FMO5: variants seen among roughly 807,000 people sequenced by gnomAD.
The protein encoded by FMO5 is flavin-containing monooxygenase 5.
A neutral mutation model predicts 43.6 loss-of-function variants in FMO5; 51 were observed. The observed-to-expected ratio is 1.17, with a 90% CI of 0.93 to 1.48. FMO5 has a LOEUF of 1.48. Ranked by LOEUF, FMO5 falls within the 40% of genes most tolerant of loss-of-function variation. The pLI, the probability that FMO5 is intolerant of heterozygous loss-of-function variation, is 0.00. For missense variants in FMO5, 644 were observed against 643.0 expected, an observed-to-expected ratio of 1.00 and a Z score of -0.02; for synonymous variants, 187 against 216.5, an observed-to-expected ratio of 0.86 and a Z score of 1.20.
intron 7 of FMO5, among the ~76,000 whole-genome samples, chr1:147,193,129 C>T (rs1657227783): frequency 6.6e-6 from 1 of 152,078 alleles, no homozygotes; most frequent in African/African-American, 2.4e-5. Context: ...GCTGTGAATC[C>T]ATCTGGTCCT....
chr1:147,207,001 T>C (rs1362419814), intron 6 of FMO5, among the ~76,000 whole-genome samples: 1 of 151,846 alleles, frequency 6.6e-6, no homozygotes, highest in Non-Finnish European at 1.5e-5. Context: ...TGTGATTGAT[T>C]ACCTGACAGG....
rs1472474591 is a variant in FMO5, at chr1:147,204,907, G to A, written c.831-3403C>T. 15 of 1,576,254 alleles carry A rather than the reference G, an allele frequency of 9.5e-6. No individual in the cohort carries two copies. In the South Asian group the frequency reaches 1.1e-4, roughly 12 times the overall value. On this transcript the variant is annotated intron_variant, in intron 6 of 8. Coordinates refer to ENST00000254090, the MANE Select transcript of FMO5 (RefSeq NM_001461.4). Reference sequence around the variant, plus strand: ...CTCCTTGAGCATCTGGGCGAAGCCCGGAGCCTTGGGAACTTGAAGCGCCAT... The same window carrying A: ...CTCCTTGAGCATCTGGGCGAAGCCCAGAGCCTTGGGAACTTGAAGCGCCAT...
chr1:147,195,553 T>C (rs1254838230), intron 7 of FMO5, among the ~76,000 whole-genome samples: 1 of 152,152 alleles, frequency 6.6e-6, no homozygotes, highest in East Asian at 1.9e-4. Flanking sequence ...ATACCTAATA[T>C]TAACTGATAA....
At chr1:147,193,923 C>T (rs1459784078) in intron 7 of FMO5, among the ~76,000 whole-genome samples, 1 of 152,044 alleles carries the variant, frequency 6.6e-6, no homozygotes, top group African/African-American at 2.4e-5. Context: ...TGCTTTACTT[C>T]CAACTATGTG....
At chr1:147,225,175 G>A (rs1268448639) in intron 1 of FMO5, 109 bp from the exon 2 acceptor site, 55 of 1,490,806 alleles carry the variant, frequency 3.7e-5, no homozygotes, top group Non-Finnish European at 4.4e-5. Context: ...GTCTTGAGGA[G>A]GACAGATTCG....
chr1:147,221,031 C>T (rs1348125394), intron 2 of FMO5, among the ~76,000 whole-genome samples: 1 of 151,152 alleles, frequency 6.6e-6, no homozygotes, highest in Non-Finnish European at 1.5e-5. Flanking sequence ...AATATTCCTC[C>T]CCAAAAGTCA....
chr1:147,201,153 T>G lies in FMO5; in HGVS notation c.1182A>C (p.Lys394Asn). ...LQGRWATQVF[K>N]GLKTLPSQSE... ...TAGTCTATTTGCATGGTCACTTACC[T>G]TTAAATACCTGAGTGGCCCAGCGTC... Residue 394 changes from lysine (K) to asparagine (N), a missense_variant and splice_region_variant, in exon 7 of 9, where the codon AAA (lysine) becomes AAC (asparagine). Lys to Asn is a moderately conservative substitution (Grantham distance 94, BLOSUM62 0). Transcript: ENST00000254090. The G allele has an allele frequency of 1.2e-6, 2 of 1,607,080 alleles. No individual in the cohort carries two copies. Among genetic ancestry groups the G allele is most frequent in the Non-Finnish European group, 1.7e-6 (2 of 1,175,926 alleles).
chr1:147,218,153 A>G (rs587698115), intron 2 of FMO5, among the ~76,000 whole-genome samples: 12 of 152,352 alleles, frequency 7.9e-5, no homozygotes, highest in Non-Finnish European at 1.6e-4. Context: ...ATATTTTTGT[A>G]TAACTTAAAT....
In FMO5 at chr1:147,224,980, G is replaced by T. The variant is rs781855435; in HGVS notation, c.50C>A (p.Ser17Tyr). ...AVIGGGVSGL[S>Y]SIKCCVEEGL... ...TTCTTCTACGCAGCACTTGATGGAA[G>T]AGAGCCCGCTCACTCCTCCCCCAAT... The change falls in exon 2 of 9, where the codon TCT becomes TAT. Residue 17 changes from serine to tyrosine, a missense_variant. Coordinates refer to ENST00000254090, the MANE Select transcript of FMO5 (RefSeq NM_001461.4). The T allele has an allele frequency of 1.2e-6, 2 of 1,613,892 alleles. No homozygotes were observed. The highest frequency in any genetic ancestry group is 2.7e-5 in the African/African-American group (2 of 74,850).
intron 2 of FMO5, among the ~76,000 whole-genome samples, chr1:147,221,887 A>G (rs1478234733): frequency 1.3e-5 from 2 of 152,356 alleles, no homozygotes; most frequent in East Asian, 3.9e-4. Context: ...CACTGTGCCA[A>G]TCCACTGCTT....
intron 8 of FMO5, among the ~76,000 whole-genome samples, chr1:147,189,196 C>A (rs1367419573): frequency 6.6e-6 from 1 of 151,758 alleles, no homozygotes; most frequent in Non-Finnish European, 1.5e-5. Flanking sequence ...ATCGCTTGAA[C>A]CCAGGAGGCA....
intron 2 of FMO5, among the ~76,000 whole-genome samples, chr1:147,216,284 A>G (rs1408140872): frequency 2.0e-5 from 3 of 152,232 alleles, no homozygotes; most frequent in African/African-American, 7.2e-5. Context: ...AGCTTGAGGA[A>G]GTCCAGCCTC....
chr1:147,198,800 G>A (rs148582829), intron 7 of FMO5, among the ~76,000 whole-genome samples: 5,434 of 139,900 alleles, frequency 0.039, 138 homozygotes, highest in South Asian at 0.099. Flanking sequence ...GCAGTGGGCC[G>A]AGATAGCGCC....
intron 4 of FMO5, 110 bp from the exon 5 acceptor site, chr1:147,212,645 T>C: frequency 3.9e-6 from 4 of 1,027,340 alleles, no homozygotes; most frequent in Non-Finnish European, 5.7e-6. Flanking sequence ...ATTCTCCAAG[T>C]GTTCTCTTTA....
intron 4 of FMO5, among the ~76,000 whole-genome samples, 167 bp from the exon 5 acceptor site, chr1:147,212,702 T>C (rs190176378): frequency 2.1e-4 from 32 of 152,304 alleles, no homozygotes; most frequent in Admixed American, 5.9e-4. Flanking sequence ...TATTTTCTTT[T>C]CCCATAGCCT....
At chr1:147,202,184 G>A (rs1293896824) in intron 6 of FMO5, among the ~76,000 whole-genome samples, 3 of 151,802 alleles carry the variant, frequency 2.0e-5, no homozygotes, top group Non-Finnish European at 4.4e-5. Flanking sequence ...TTGTTTCCTA[G>A]GGACAGCGTA....
rs6655945 is a variant in FMO5 at position 147,214,399 on chromosome 1, C to T, written c.325-929G>A. Among the ~76,000 whole-genome samples, 1,695 of 150,536 alleles carry T rather than the reference C, an allele frequency of 0.011. 91 individuals carry two copies. The East Asian group carries it at 0.17, about 15-fold the overall frequency. On this transcript the variant is annotated intron_variant, in intron 3 of 8. Coordinates refer to ENST00000254090, the MANE Select transcript of FMO5 (RefSeq NM_001461.4). ...TTGGGAGGTGGAGGTTGCAGTGAGCCGAGATCGTGTCACTGTACTCCAGCC... is the reference window on the plus strand; with the variant it reads ...TTGGGAGGTGGAGGTTGCAGTGAGCTGAGATCGTGTCACTGTACTCCAGCC...
chr1:147,185,731 A>G (rs1272298787), downstream of FMO5, among the ~76,000 whole-genome samples: 2 of 152,192 alleles, frequency 1.3e-5, no homozygotes, highest in East Asian at 3.8e-4. Context: ...ACAGCTATTA[A>G]TGAACATCAC....
rs1468303449 is a variant in FMO5 at position 147,186,509 on chromosome 1, G to A, written c.*391C>T. On this transcript the variant is annotated 3_prime_UTR_variant, in exon 9 of 9. Transcript: ENST00000254090. ...TCTAATAGAAAATCAAACCCTATCA[G>A]AAGAAGAGTTACGTGGAGTAAGCGA... The A allele has an allele frequency of 2.0e-6, 2 of 992,428 alleles. No individual in the cohort carries two copies. The highest frequency in any genetic ancestry group is 2.4e-6 in the Non-Finnish European group (2 of 834,786). The allele number at this position is 992,428 out of a possible 1,614,324, so 61.5% of individuals were successfully genotyped here.
Sources: allele counts gnomAD v4.1 joint callset (sites outside exome capture counted in the v4.1 genomes callset), GRCh38; gene constraint gnomAD v4.1.1; transcripts MANE v1.5; gene names NCBI Gene and HGNC (gene_info 2026-07-23, HGNC 2026-07-21).